CALCOCO2: variants seen among roughly 807,000 people sequenced by gnomAD.
CALCOCO2 encodes the protein calcium binding and coiled-coil domain 2, also known as calcium-binding and coiled-coil domain-containing protein 2.
Under a neutral mutation model 62.5 loss-of-function variants are expected in CALCOCO2, and 42 were observed. The observed-to-expected ratio is 0.67, with a 90% CI of 0.53 to 0.87. The LOEUF (loss-of-function observed/expected upper bound fraction) is 0.87, where lower values mean the gene tolerates loss of function less well. Ranked by LOEUF, CALCOCO2 falls within the 40% of genes least tolerant of loss-of-function variation. The pLI is 0.00. For missense variants in CALCOCO2, 456 were observed against 515.0 expected (o/e 0.89, Z 1.11); for synonymous variants, 167 against 173.0 (o/e 0.97, Z 0.27).
At chr17:48,853,738 A>G (rs1329352524) in intron 9 of CALCOCO2, among the ~76,000 whole-genome samples, 1 of 152,248 alleles carries the variant, frequency 6.6e-6, no homozygotes, top group Non-Finnish European at 1.5e-5. Context: ...ATGTTTTAGA[A>G]AGTAGTTACC....
intron 10 of CALCOCO2, among the ~76,000 whole-genome samples, chr17:48,858,024 GA>G (rs761210106): frequency 6.6e-5 from 1 of 15,096 alleles, no homozygotes; most frequent in African/African-American, 1.0e-4. Flanking sequence ...GAATAGAATA[GA>G]ATAGAATAGA....
At chr17:48,856,501 G>A (rs908826838) in intron 10 of CALCOCO2, 36 of 465,518 alleles carry the variant, frequency 7.7e-5, no homozygotes, top group African/African-American at 4.8e-4. Flanking sequence ...GGGGAATAAC[G>A]TCCTACATAA....
chr17:48,862,834 C>T lies in CALCOCO2; in HGVS notation c.1174-4C>T, dbSNP rs752797637. Reference sequence around the variant, plus strand: ...TGTACTGACCTCTTTGCTCTTCCTCCCAGCTCTCCATCAAGAAATGCCCTA... The same window carrying T: ...TGTACTGACCTCTTTGCTCTTCCTCTCAGCTCTCCATCAAGAAATGCCCTA... On this transcript the variant is annotated splice_polypyrimidine_tract_variant and splice_region_variant and intron_variant, in intron 12 of 12. Transcript: ENST00000258947. 1 of 1,613,752 alleles carries T rather than the reference C, an allele frequency of 6.2e-7. No individual in the cohort carries two copies. Among genetic ancestry groups the T allele is most frequent in the East Asian group, 2.2e-5 (1 of 44,878 alleles).
intron 1 of CALCOCO2, among the ~76,000 whole-genome samples, chr17:48,838,499 G>A (rs550495896): frequency 6.6e-6 from 1 of 152,066 alleles, no homozygotes; most frequent in Non-Finnish European, 1.5e-5. Context: ...CTCATCACGA[G>A]GTTAGGAGAT....
intron 2 of CALCOCO2, among the ~76,000 whole-genome samples, chr17:48,847,213 C>T (rs1181850361): frequency 6.6e-6 from 1 of 152,048 alleles, no homozygotes; most frequent in Non-Finnish European, 1.5e-5. Context: ...CTGCCCCCAA[C>T]ACAGACATTA....
In CALCOCO2 at chr17:48,852,521, C is replaced by A; in HGVS notation, c.718C>A (p.Gln240Lys). The change falls in exon 8 of 13, where the codon CAA (glutamine) becomes AAA (lysine). Residue 240 changes from glutamine to lysine, a missense_variant. Gln to Lys is a moderately conservative substitution (Grantham distance 53, BLOSUM62 1). Transcript: ENST00000258947. ...TTTGTTTTAGGCCCAGCTGTCAACT[C>A]AAGAGAAAGAAATGGAGAAGCTTGT... ...VDQLQAQLST[Q>K]EKEMEKLVQG... 1 of 1,613,228 alleles carries A rather than the reference C, an allele frequency of 6.2e-7. No individual in the cohort carries two copies. Among genetic ancestry groups the A allele is most frequent in the South Asian group, 1.1e-5 (1 of 90,988 alleles).
intron 1 of CALCOCO2, among the ~76,000 whole-genome samples, chr17:48,835,332 AAG>A (rs1031351715): frequency 1.3e-5 from 2 of 152,248 alleles, no homozygotes; most frequent in African/African-American, 4.8e-5. Flanking sequence ...GCTTGGTAAA[AAG>A]GAGAGAAGAG....
rs1320843361 is a variant in CALCOCO2 at position 48,848,332 on chromosome 17, G to A, written c.294G>A (p.Leu98=). 2 of 1,613,560 alleles carry A rather than the reference G, an allele frequency of 1.2e-6. No individual in the cohort carries two copies. Among genetic ancestry groups the A allele is most frequent in the Admixed American group, 3.3e-5 (2 of 60,010 alleles). Residue 98 remains leucine, a synonymous_variant, in exon 4 of 13, where the codon CTG becomes CTA. Transcript: ENST00000258947. ...ATGTTGTGTTTTCAGCTTACTACCT[G>A]CCCAAGGATGATGAGTATTACCAGT... The part of the protein sequence containing the change: ...QQEVQFKAYY[L]PKDDEYYQFC...
intron 2 of CALCOCO2, 161 bp from the exon 3 acceptor site, chr17:48,847,903 C>A (rs1007302093): frequency 2.3e-5 from 13 of 555,670 alleles, no homozygotes; most frequent in Non-Finnish European, 4.1e-5. Flanking sequence ...AATCCACCCA[C>A]CTTGGCCTCC....
rs1476053402 is a variant in CALCOCO2 at position 48,852,631 on chromosome 17, A to G, written c.825+3A>G. On this transcript the variant is annotated splice_donor_region_variant and intron_variant, in intron 8 of 12. Coordinates refer to ENST00000258947, the MANE Select transcript of CALCOCO2 (RefSeq NM_005831.5). ...TCTTTCTCAGTTTAACTGAACAGGT[A>G]GAGTCATGAGAGAAAACAACACTTT... is the stretch of plus-strand genomic sequence containing the variant. 4 of 1,608,604 alleles carry G rather than the reference A, an allele frequency of 2.5e-6. No individual in the cohort carries two copies. The highest frequency in any genetic ancestry group is 1.3e-5 in the African/African-American group (1 of 74,608).
Position 48,854,378 on chromosome 17 carries a change from T to TTTTATATATATATATATATATATA in CALCOCO2, c.912+1367_912+1368insTTATATATATATATATATATATAT, listed in dbSNP as rs1489635512. Among the ~76,000 whole-genome samples the TTTTATATATATATATATATATATA allele has an allele frequency of 1.5e-3, 18 of 12,156 alleles. 3 individuals carry two copies. Among genetic ancestry groups the TTTTATATATATATATATATATATA allele is most frequent in the East Asian group, 0.018 (2 of 112 alleles). The allele number at this position is 12,156 out of a possible 152,430, so 8.0% of individuals were successfully genotyped here. A position where few individuals can be genotyped will look rare whatever the true frequency, so the allele number is the denominator to read the frequency against. ...AGGTATGGATTTCCTTGGTTTTCTT[T>TTTTATATATATATATATATATATA]TATTTATATATATATATATTTTTTT... On this transcript the variant is annotated intron_variant, in intron 9 of 12. Coordinates refer to ENST00000258947, the MANE Select transcript of CALCOCO2 (RefSeq NM_005831.5).
At chr17:48,855,384 T>C (rs562833115) in intron 9 of CALCOCO2, among the ~76,000 whole-genome samples, 1 of 152,310 alleles carries the variant, frequency 6.6e-6, no homozygotes, top group East Asian at 1.9e-4. Flanking sequence ...CAGGGTCGGC[T>C]AGACATGCAC....
intron 1 of CALCOCO2, among the ~76,000 whole-genome samples, chr17:48,834,583 C>T (rs1410511944): frequency 1.3e-5 from 2 of 152,194 alleles, no homozygotes; most frequent in Admixed American, 1.3e-4. Context: ...GCTCGTCCCA[C>T]TAATTTTTCA....
intron 8 of CALCOCO2, 109 bp downstream of exon 8, chr17:48,852,737 C>A: frequency 8.6e-7 from 1 of 1,166,204 alleles, no homozygotes; most frequent in Non-Finnish European, 1.2e-6. Context: ...ATGTCACTGG[C>A]TTTAGGAAAG....
At chr17:48,838,347 C>T (rs912655485) in intron 1 of CALCOCO2, among the ~76,000 whole-genome samples, 2 of 152,054 alleles carry the variant, frequency 1.3e-5, no homozygotes, top group Non-Finnish European at 2.9e-5. Context: ...TGGCGCCGGG[C>T]TGTCTGCTTG....
Position 48,851,070 on chromosome 17 carries a change from ATGT to A in CALCOCO2, c.544-14_544-12del. 7.2e-7 allele frequency: 1 copy of A among 1,386,422 alleles called. No homozygotes were observed. Among genetic ancestry groups the A allele is most frequent in the Non-Finnish European group, 1.0e-6 (1 of 972,712 alleles). The allele number at this position is 1,386,422 out of a possible 1,614,324, so 85.9% of individuals were successfully genotyped here. A position where few individuals can be genotyped will look rare whatever the true frequency, so the allele number is the denominator to read the frequency against. ...GTCATAGAACTAGTCTGTCCCTTTG[ATGT>A]TGTTTCAATCTATAGGAGGAGCTAG... On this transcript the variant is annotated splice_polypyrimidine_tract_variant and intron_variant, in intron 5 of 12. Coordinates refer to ENST00000258947, the MANE Select transcript of CALCOCO2 (RefSeq NM_005831.5).
chr17:48,835,483 G>A (rs188471899), intron 1 of CALCOCO2, among the ~76,000 whole-genome samples: 1 of 152,276 alleles, frequency 6.6e-6, no homozygotes, highest in African/African-American at 2.4e-5. Flanking sequence ...TCCCTTCTGG[G>A]AAGGTGATGA....
At chr17:48,860,687 G>A (rs1200987783) in intron 11 of CALCOCO2, among the ~76,000 whole-genome samples, 1 of 152,146 alleles carries the variant, frequency 6.6e-6, no homozygotes, top group African/African-American at 2.4e-5. Context: ...ATTGAGTCCC[G>A]TGGCTATATT....
chr17:48,863,665 C>T lies in CALCOCO2; in HGVS notation c.*660C>T, dbSNP rs1018076271. 4 of 153,440 alleles carry T rather than the reference C, an allele frequency of 2.6e-5. No homozygotes were observed. Among genetic ancestry groups the T allele is most frequent in the African/African-American group, 9.7e-5 (4 of 41,418 alleles). 9.5% of individuals were successfully genotyped at this position (153,440 alleles called of 1,614,324 possible). On this transcript the variant is annotated 3_prime_UTR_variant, in exon 13 of 13. Coordinates refer to ENST00000258947, the MANE Select transcript of CALCOCO2 (RefSeq NM_005831.5). Reference sequence around the variant, plus strand: ...TAGCACTTTCTACTCTCTGATATTTCCTATGTACATAGCTTTTATTGTTGT... The same window carrying T: ...TAGCACTTTCTACTCTCTGATATTTTCTATGTACATAGCTTTTATTGTTGT...
Sources: allele counts gnomAD v4.1 joint callset (sites outside exome capture counted in the v4.1 genomes callset), GRCh38; gene constraint gnomAD v4.1.1; transcripts MANE v1.5; gene names NCBI Gene and HGNC (gene_info 2026-07-23, HGNC 2026-07-21).